TMEM9B: variants seen among roughly 807,000 people sequenced by gnomAD.
TMEM9B encodes the protein transmembrane protein 9B.
A neutral mutation model predicts 23.5 loss-of-function variants in TMEM9B; 8 were observed. The ratio of observed to expected loss-of-function variants is 0.34; its 90% CI spans 0.20 to 0.61. The LOEUF (loss-of-function observed/expected upper bound fraction) is 0.61. Among genes scored for constraint, TMEM9B ranks in the 20% least tolerant of loss-of-function variants. The pLI is 0.78. For synonymous variants in TMEM9B, 106 were observed against 96.3 expected (o/e 1.10, Z -0.59); for missense variants, 197 against 252.3 (o/e 0.78, Z 1.49).
At chr11:8,958,874 G>T (rs1414139806) in intron 2 of TMEM9B, among the ~76,000 whole-genome samples, 1 of 152,022 alleles carries the variant, frequency 6.6e-6, no homozygotes, top group Non-Finnish European at 1.5e-5. Context: ...CCCGGCCCAG[G>T]TTATTCTTAA....
intron 2 of TMEM9B, among the ~76,000 whole-genome samples, chr11:8,960,799 G>A (rs1045406912): frequency 9.3e-5 from 14 of 151,264 alleles, no homozygotes; most frequent in African/African-American, 1.7e-4. Context: ...CTCCTGCCTC[G>A]GCCTCCCGAG....
At chr11:8,956,371 A>G (rs1589946542) in intron 2 of TMEM9B, 73 bp from the exon 3 acceptor site, 2 of 1,197,628 alleles carry the variant, frequency 1.7e-6, no homozygotes, top group East Asian at 4.8e-5. Flanking sequence ...AAGTTTCCTG[A>G]AATCTAGAAT....
chr11:8,958,963 C>T (rs1281622257), intron 2 of TMEM9B, among the ~76,000 whole-genome samples: 5 of 152,082 alleles, frequency 3.3e-5, no homozygotes, highest in Non-Finnish European at 5.9e-5. Flanking sequence ...GGTAAGGCCC[C>T]ACAACTCTCA....
chr11:8,964,517 A>T (rs1854162388), upstream of TMEM9B: 1 of 1,386,784 alleles, frequency 7.2e-7, no homozygotes, highest in Non-Finnish European at 9.3e-7. Context: ...ACCAGTGCGA[A>T]GGGCCGGGAG....
In TMEM9B at chr11:8,957,378, T is replaced by C. The variant is rs1853993993; in HGVS notation, c.198-1080A>G. 6.6e-6 allele frequency among the ~76,000 whole-genome samples: 1 copy of C among 152,240 alleles called. No individual in the cohort carries two copies. Among genetic ancestry groups the C allele is most frequent in the African/African-American group, 2.4e-5 (1 of 41,460 alleles). Reference sequence around the variant, plus strand: ...ATTCTAAGCAATAACTAAATTATTATTCTCCTCAACTATTAAGAGTCTATG... The same window carrying C: ...ATTCTAAGCAATAACTAAATTATTACTCTCCTCAACTATTAAGAGTCTATG... On this transcript the variant is annotated intron_variant, in intron 2 of 4. Transcript: ENST00000534025. This position sits in a 1 kb window ranked among gnomAD's most constrained non-coding sequence, Gnocchi z 4.3.
upstream of TMEM9B, chr11:8,964,484 A>G: frequency 7.1e-7 from 1 of 1,416,590 alleles, no homozygotes; most frequent in Non-Finnish European, 9.2e-7. Context: ...CAGATGCAAA[A>G]AGCATCCGCC....
rs139281160 is a variant in TMEM9B, at chr11:8,952,319, C to CGTGTGTGT, written c.441+876_441+883dup. On this transcript the variant is annotated intron_variant, in intron 4 of 4. Coordinates refer to ENST00000534025, the MANE Select transcript of TMEM9B (RefSeq NM_020644.3). Reference sequence around the variant, plus strand: ...TATATAAACATATATAATGTACACACGTGTGTGTGTGTGTGTGTGAGAGAT... The same window carrying CGTGTGTGT: ...TATATAAACATATATAATGTACACACGTGTGTGTGTGTGTGTGTGTGTGTGTGAGAGAT... Among the ~76,000 whole-genome samples the CGTGTGTGT allele has an allele frequency of 6.1e-3, 915 of 148,828 alleles. 7 individuals carry two copies. Among genetic ancestry groups the CGTGTGTGT allele is most frequent in the African/African-American group, 0.017 (684 of 40,458 alleles).
At chr11:8,962,299 T>G (rs546472976) in intron 1 of TMEM9B, 116 bp from the exon 2 acceptor site, 24 of 646,070 alleles carry the variant, frequency 3.7e-5, no homozygotes, top group Admixed American at 1.5e-4. Context: ...TATTCTAAAA[T>G]CATTCATTTA....
chr11:8,954,312 T>A (rs1853935364), intron 3 of TMEM9B, among the ~76,000 whole-genome samples: 1 of 152,104 alleles, frequency 6.6e-6, no homozygotes, highest in Non-Finnish European at 1.5e-5. Context: ...GATTTTATTT[T>A]TTTTTTTTTG....
chr11:8,958,233 C>T lies in TMEM9B; in HGVS notation c.198-1935G>A, dbSNP rs200345269. On this transcript the variant is annotated intron_variant, in intron 2 of 4. Transcript: ENST00000534025. Reference sequence around the variant, plus strand: ...ATCTCAGCACTTTGGGAGGCCGAGGCGGTTGGATCATGAGGTCAGGAGTTC... The same window carrying T: ...ATCTCAGCACTTTGGGAGGCCGAGGTGGTTGGATCATGAGGTCAGGAGTTC... Among the ~76,000 whole-genome samples, 73 of 147,524 alleles carry T rather than the reference C, an allele frequency of 4.9e-4. 3 individuals are homozygous for T. The East Asian group carries it at 9.8e-3, about 20-fold the overall frequency.
At chr11:8,956,987 C>T (rs1303461634) in intron 2 of TMEM9B, among the ~76,000 whole-genome samples, 3 of 152,130 alleles carry the variant, frequency 2.0e-5, no homozygotes, top group African/African-American at 4.8e-5. Context: ...CCTAAAGTGC[C>T]GGGATTACAG....
In TMEM9B at chr11:8,964,365, G is replaced by C. The variant is rs778772500; in HGVS notation, c.-52C>G. ...CCGGAGCCCCCGCGACCGGCTCCCGGCTCGGGCTCAGGCTCAGGCTCAGGC... is the reference window on the plus strand; with the variant it reads ...CCGGAGCCCCCGCGACCGGCTCCCGCCTCGGGCTCAGGCTCAGGCTCAGGC... On this transcript the variant is annotated 5_prime_UTR_variant, in exon 1 of 5. Coordinates refer to ENST00000534025, the MANE Select transcript of TMEM9B (RefSeq NM_020644.3). 2 of 1,533,192 alleles carry C rather than the reference G, an allele frequency of 1.3e-6. No homozygotes were observed. Among genetic ancestry groups the C allele is most frequent in the Non-Finnish European group, 8.8e-7 (1 of 1,141,620 alleles). The allele number at this position is 1,533,192 out of a possible 1,614,324, so 95.0% of individuals were successfully genotyped here. A position where few individuals can be genotyped will look rare whatever the true frequency, so the allele number is the denominator to read the frequency against.
intron 4 of TMEM9B, among the ~76,000 whole-genome samples, chr11:8,948,983 T>C (rs1310128215): frequency 6.6e-6 from 1 of 152,170 alleles, no homozygotes; most frequent in Non-Finnish European, 1.5e-5. Flanking sequence ...GCCACATCAC[T>C]CTGGGAGGGT....
intron 3 of TMEM9B, among the ~76,000 whole-genome samples, chr11:8,955,322 A>G (rs1853954120): frequency 6.6e-6 from 1 of 152,074 alleles, no homozygotes; most frequent in Admixed American, 6.5e-5. Flanking sequence ...CAATTTTTTC[A>G]TGGACCAGGG....
rs1366474529 is a variant in TMEM9B, at chr11:8,957,047, G to A, written c.198-749C>T. 6.6e-6 allele frequency among the ~76,000 whole-genome samples: 1 copy of A among 152,202 alleles called. No individual in the cohort carries two copies. Among genetic ancestry groups the A allele is most frequent in the African/African-American group, 2.4e-5 (1 of 41,458 alleles). On this transcript the variant is annotated intron_variant, in intron 2 of 4. Coordinates refer to ENST00000534025, the MANE Select transcript of TMEM9B (RefSeq NM_020644.3). This position sits in a 1 kb window ranked among gnomAD's most constrained non-coding sequence, Gnocchi z 4.3. ...CATCATTCTTAACTGCCAGTGTGGT[G>A]TATGAATGACTAACCACGTTTAACA... is the stretch of plus-strand genomic sequence containing the variant.
Position 8,948,299 on chromosome 11 carries a change from C to A in TMEM9B, c.*21G>T. 1 of 1,606,944 alleles carries A rather than the reference C, an allele frequency of 6.2e-7. No individual in the cohort carries two copies. The highest frequency in any genetic ancestry group is 1.1e-5 in the South Asian group (1 of 90,094). On this transcript the variant is annotated 3_prime_UTR_variant, in exon 5 of 5. Transcript: ENST00000534025. ...AGTTGTCTGCCTGTTTCTTTCTAGT[C>A]ACCTTGAATTCAATTCCCAATTAGC...
At chr11:8,962,250 C>T in intron 1 of TMEM9B, 67 bp from the exon 2 acceptor site, 1 of 1,047,644 alleles carries the variant, frequency 9.5e-7, no homozygotes, top group South Asian at 1.6e-5. Flanking sequence ...AAAACTGTAC[C>T]ATATACATTT....
intron 2 of TMEM9B, among the ~76,000 whole-genome samples, chr11:8,960,710 C>A (rs1854062326): frequency 1.3e-5 from 2 of 148,832 alleles, no homozygotes. Flanking sequence ...GAGCTAGGGT[C>A]TCGCTCTGTC....
upstream of TMEM9B, chr11:8,964,776 G>A: frequency 1.2e-5 from 2 of 163,794 alleles, no homozygotes; most frequent in South Asian, 1.5e-4. Context: ...TCGCGCACAG[G>A]CAGGGCGGGT....
Sources: allele counts gnomAD v4.1 joint callset (sites outside exome capture counted in the v4.1 genomes callset), GRCh38; gene constraint gnomAD v4.1.1; non-coding constraint Gnocchi (gnomAD v3.1); transcripts MANE v1.5; gene names NCBI Gene and HGNC (gene_info 2026-07-23, HGNC 2026-07-21).